ADAMTSL3: variants seen among roughly 807,000 people sequenced by gnomAD.
The protein encoded by ADAMTSL3 is ADAMTS like 3, also known as ADAMTS-like protein 3.
In ADAMTSL3, 128 loss-of-function variants were observed where a neutral mutation model predicts 201.7. The ratio of observed to expected loss-of-function variants is 0.63; its 90% CI spans 0.55 to 0.73. The LOEUF (loss-of-function observed/expected upper bound fraction) is 0.73, where lower values mean the gene tolerates loss of function less well. Among genes scored for constraint, ADAMTSL3 ranks in the 30% least tolerant of loss-of-function variants. The probability of loss-of-function intolerance (pLI) is 0.00; values close to 1 mark genes in which losing one functional copy is unlikely to be tolerated. For missense variants in ADAMTSL3, 1,990 were observed against 2,119.6 expected (o/e 0.94, Z 1.20); for synonymous variants, 738 against 748.4 (o/e 0.99, Z 0.23).
intron 2 of ADAMTSL3, among the ~76,000 whole-genome samples, chr15:83,692,167 A>G (rs2061617676): frequency 6.7e-6 from 1 of 149,944 alleles, no homozygotes; most frequent in Non-Finnish European, 1.5e-5. Context: ...CTGCTGATTT[A>G]TGACTCCAAT....
rs1555433213 is a variant in ADAMTSL3 at position 83,714,791 on chromosome 15, T to TTCTTTTTCTC, written c.189+10286_189+10287insTTTTCTCTCT. On this transcript the variant is annotated intron_variant, in intron 3 of 29. Transcript: ENST00000286744. Reference sequence around the variant, plus strand: ...TCTTTCTTTCTTTCTTTCTTTTTCTTTCTCTCTCTTTCTTTCTTCTTTCTT... The same window carrying TTCTTTTTCTC: ...TCTTTCTTTCTTTCTTTCTTTTTCTTTCTTTTTCTCTCTCTCTCTTTCTTTCTTCTTTCTT... 1.1e-4 allele frequency among the ~76,000 whole-genome samples: 9 copies of TTCTTTTTCTC among 78,888 alleles called. No individual in the cohort carries two copies. In the South Asian group the frequency reaches 1.2e-3, roughly 11 times the overall value. 51.8% of individuals were successfully genotyped at this position (78,888 alleles called of 152,430 possible). A position where few individuals can be genotyped will look rare whatever the true frequency, so the allele number is the denominator to read the frequency against.
At chr15:83,863,872 G>T (rs2064919563) in intron 8 of ADAMTSL3, among the ~76,000 whole-genome samples, 1 of 152,064 alleles carries the variant, frequency 6.6e-6, no homozygotes, top group South Asian at 2.1e-4. Context: ...CTGCTAGCAA[G>T]ATTAATAAAG....
intron 2 of ADAMTSL3, among the ~76,000 whole-genome samples, chr15:83,693,311 C>A (rs1050172657): frequency 6.6e-6 from 1 of 152,132 alleles, no homozygotes; most frequent in African/African-American, 2.4e-5. Context: ...AGGAGAACAG[C>A]CAGGGACAGC....
intron 9 of ADAMTSL3, among the ~76,000 whole-genome samples, chr15:83,884,766 C>T (rs542258735): frequency 7.0e-4 from 107 of 152,104 alleles, no homozygotes; most frequent in Admixed American, 1.4e-3. Context: ...CAATCTGTGT[C>T]GTCAAAATTA....
intron 8 of ADAMTSL3, among the ~76,000 whole-genome samples, chr15:83,867,947 G>A (rs554437747): frequency 3.9e-5 from 6 of 152,326 alleles, no homozygotes; most frequent in African/African-American, 1.4e-4. Flanking sequence ...AGAGACCTGA[G>A]TTGTGAAGAT....
chr15:83,846,289 T>C (rs2064496386), intron 7 of ADAMTSL3, among the ~76,000 whole-genome samples: 1 of 152,264 alleles, frequency 6.6e-6, no homozygotes, highest in South Asian at 2.1e-4. Context: ...TAGGTACTAC[T>C]ATACCCTCCC....
intron 7 of ADAMTSL3, among the ~76,000 whole-genome samples, chr15:83,855,420 T>C (rs2064711164): frequency 6.6e-6 from 1 of 152,184 alleles, no homozygotes; most frequent in South Asian, 2.1e-4. Context: ...GAAAAGCTGT[T>C]TACACTGGGC....
chr15:83,955,919 C>A (rs974188033), intron 19 of ADAMTSL3, among the ~76,000 whole-genome samples: 8 of 152,002 alleles, frequency 5.3e-5, no homozygotes, highest in Admixed American at 5.2e-4. Context: ...CCCCAGCTGC[C>A]CCATCTGGTG....
intron 19 of ADAMTSL3, among the ~76,000 whole-genome samples, chr15:83,949,565 AGTTTTTT>A (rs1870882641): frequency 6.6e-6 from 1 of 151,996 alleles, no homozygotes; most frequent in Admixed American, 6.5e-5. Flanking sequence ...CTCTATTTTT[AGTTTTTT>A]GAGGAACCTC....
At chr15:83,718,097 T>C (rs968092641) in intron 3 of ADAMTSL3, among the ~76,000 whole-genome samples, 3 of 152,176 alleles carry the variant, frequency 2.0e-5, no homozygotes, top group African/African-American at 7.2e-5. Flanking sequence ...TGAGGTCTTT[T>C]ATCTTAAACA....
intron 16 of ADAMTSL3, among the ~76,000 whole-genome samples, chr15:83,917,959 A>T (rs957563307): frequency 6.6e-6 from 1 of 152,246 alleles, no homozygotes; most frequent in African/African-American, 2.4e-5. Context: ...ATATAATAAT[A>T]GAGCATTCCT....
rs141842453 is a variant in ADAMTSL3, at chr15:83,753,084, G to A, written c.190-20439G>A. 2.2e-3 allele frequency among the ~76,000 whole-genome samples: 331 copies of A among 152,288 alleles called. 1 individual carries two copies. The highest frequency in any genetic ancestry group is 7.7e-3 in the African/African-American group (320 of 41,546). ...AGCTACTAAATGGGGCTTGGTGAAT[G>A]CTGTTGAGTCAGTAAGTGACTTCTA... On this transcript the variant is annotated intron_variant, in intron 3 of 29. Coordinates refer to ENST00000286744, the MANE Select transcript of ADAMTSL3 (RefSeq NM_207517.3).
intron 27 of ADAMTSL3, among the ~76,000 whole-genome samples, chr15:84,029,516 A>C (rs374553090): frequency 6.6e-6 from 1 of 152,208 alleles, no homozygotes; most frequent in Admixed American, 6.5e-5. Context: ...TGCTCTTAAA[A>C]GCATTCAGTT....
intron 2 of ADAMTSL3, among the ~76,000 whole-genome samples, chr15:83,668,154 C>T (rs1448048438): frequency 6.6e-6 from 1 of 151,634 alleles, no homozygotes; most frequent in African/African-American, 2.4e-5. Context: ...AATATACACC[C>T]AACAAGATGA....
intron 3 of ADAMTSL3, among the ~76,000 whole-genome samples, chr15:83,741,646 AAACC>A (rs1306523266): frequency 1.3e-5 from 2 of 152,232 alleles, no homozygotes; most frequent in African/African-American, 4.8e-5. Context: ...ACATTTAAGA[AAACC>A]AACTCAAAAA....
intron 4 of ADAMTSL3, among the ~76,000 whole-genome samples, chr15:83,790,471 G>A (rs1371205590): frequency 6.0e-5 from 9 of 151,212 alleles, no homozygotes; most frequent in Admixed American, 5.9e-4. Context: ...ATAGACTAAG[G>A]AAGAAAAAAT....
chr15:83,830,331 G>A (rs2064128759), intron 6 of ADAMTSL3, among the ~76,000 whole-genome samples: 1 of 152,224 alleles, frequency 6.6e-6, no homozygotes, highest in Admixed American at 6.5e-5. Context: ...GTACTCTCAA[G>A]TACAGAGTCC....
At chr15:83,655,652 TAA>T in intron 1 of ADAMTSL3, 75 bp from the exon 2 acceptor site, 4 of 1,061,070 alleles carry the variant, frequency 3.8e-6, no homozygotes, top group Non-Finnish European at 5.6e-6. Context: ...TCCCTCCATC[TAA>T]TGGGTCGCTT....
rs939267765 is a variant in ADAMTSL3 at position 83,897,840 on chromosome 15, C to G, written c.1468-18C>G. 6.4e-7 allele frequency: 1 copy of G among 1,566,078 alleles called. No individual in the cohort carries two copies. Among genetic ancestry groups the G allele is most frequent in the African/African-American group, 1.4e-5 (1 of 73,190 alleles). On this transcript the variant is annotated intron_variant, in intron 13 of 29. Transcript: ENST00000286744. Reference sequence around the variant, plus strand: ...TCTCTTAAAAGAAATGCGTTGGCTTCTCTTTTCTTCTTTGAAGTGCACAGT... The same window carrying G: ...TCTCTTAAAAGAAATGCGTTGGCTTGTCTTTTCTTCTTTGAAGTGCACAGT...
Sources: gnomAD v4.1 joint callset for allele counts (sites outside exome capture counted in the v4.1 genomes callset) on GRCh38, gnomAD v4.1.1 for gene constraint, MANE v1.5 for transcripts, NCBI Gene and HGNC (gene_info 2026-07-23, HGNC 2026-07-21) for gene names.